PPP2R2C: variants seen among roughly 807,000 people sequenced by gnomAD.
PPP2R2C encodes the protein protein phosphatase 2, regulatory subunit B, gamma.
Under a neutral mutation model 45.3 loss-of-function variants are expected in PPP2R2C, and 10 were observed. That is an observed-to-expected ratio of 0.22 (90% confidence interval 0.14 to 0.37). PPP2R2C has a LOEUF of 0.37. PPP2R2C is among the 10% of genes least tolerant of loss of function. The probability of loss-of-function intolerance (pLI) is 1.00; values close to 1 mark genes in which losing one functional copy is unlikely to be tolerated. For synonymous variants in PPP2R2C, 257 were observed against 245.4 expected, an observed-to-expected ratio of 1.05 and a Z score of -0.44; for missense variants, 308 against 619.7, an observed-to-expected ratio of 0.50 and a Z score of 5.34.
chr4:6,489,211 C>T (rs1311087339), intron 2 of PPP2R2C, among the ~76,000 whole-genome samples: 4 of 152,144 alleles, frequency 2.6e-5, no homozygotes, highest in Admixed American at 2.6e-4. Flanking sequence ...TGTTTATTTC[C>T]CATCATTCAA....
intron 5 of PPP2R2C, among the ~76,000 whole-genome samples, chr4:6,358,519 CAAAAA>C (rs74576376): frequency 7.5e-6 from 1 of 132,760 alleles, no homozygotes; most frequent in Non-Finnish European, 1.6e-5. Context: ...TTCTGCACAG[CAAAAA>C]AAAAAAAAAA....
At position 6,421,093 on chromosome 4, in the gene PPP2R2C, T is replaced by G. The variant is rs1217395402; in HGVS notation, c.71-39999A>C. 3 of 985,080 alleles carry G rather than the reference T, an allele frequency of 3.0e-6. No individual in the cohort carries two copies. In the East Asian group the frequency reaches 3.4e-4, roughly 112 times the overall value. The allele number at this position is 985,080 out of a possible 1,614,324, so 61.0% of individuals were successfully genotyped here. On this transcript the variant is annotated intron_variant, in intron 1 of 8. Transcript: ENST00000382599. ...CCACAGAAGTGGAGAGGCCACACCT[T>G]TCTCTCTGTTTCCCCCAAAACACAT...
chr4:6,475,645 G>A (rs982639663), upstream of PPP2R2C, among the ~76,000 whole-genome samples: 8 of 152,132 alleles, frequency 5.3e-5, no homozygotes, highest in East Asian at 1.9e-4. Flanking sequence ...TGGACCATGC[G>A]CCTCCCTTTA....
intron 1 of PPP2R2C, among the ~76,000 whole-genome samples, chr4:6,550,287 C>A (rs1159762227): frequency 6.6e-6 from 1 of 152,106 alleles, no homozygotes; most frequent in East Asian, 1.9e-4. Context: ...ACAATCAGCC[C>A]CCAGCCCAGT....
At chr4:6,539,085 T>C (rs1232203653) in intron 1 of PPP2R2C, among the ~76,000 whole-genome samples, 1 of 151,960 alleles carries the variant, frequency 6.6e-6, no homozygotes, top group Non-Finnish European at 1.5e-5. Flanking sequence ...ATGAAATGCA[T>C]TGAGATGGCG....
intron 1 of PPP2R2C, among the ~76,000 whole-genome samples, chr4:6,556,976 A>G (rs1725423199): frequency 6.6e-6 from 1 of 152,124 alleles, no homozygotes; most frequent in African/African-American, 2.4e-5. Context: ...CCCGGCAGAG[A>G]TCCAGGTGGT....
intron 1 of PPP2R2C, among the ~76,000 whole-genome samples, chr4:6,448,500 C>T (rs982867814): frequency 2.0e-5 from 3 of 152,138 alleles, no homozygotes; most frequent in Admixed American, 6.5e-5. Context: ...GGCAGACCCT[C>T]GAGGTCAGCC....
intron 1 of PPP2R2C, among the ~76,000 whole-genome samples, chr4:6,416,324 G>T (rs1718581814): frequency 6.6e-6 from 1 of 152,186 alleles, no homozygotes; most frequent in South Asian, 2.1e-4. Context: ...GTCACATAAA[G>T]TCACACTGCT....
At chr4:6,501,317 A>G (rs539232210) in intron 2 of PPP2R2C, among the ~76,000 whole-genome samples, 1 of 152,214 alleles carries the variant, frequency 6.6e-6, no homozygotes, top group South Asian at 2.1e-4. Flanking sequence ...CACAGGGTGC[A>G]CCCTGTGAAC....
At chr4:6,460,378 T>G (rs1721262748) in intron 1 of PPP2R2C, among the ~76,000 whole-genome samples, 1 of 152,142 alleles carries the variant, frequency 6.6e-6, no homozygotes, top group South Asian at 2.1e-4. Flanking sequence ...GAGAGGGGCC[T>G]CAGAAGGAAT....
At chr4:6,497,091 C>T (rs747096199) in intron 2 of PPP2R2C, among the ~76,000 whole-genome samples, 1 of 152,006 alleles carries the variant, frequency 6.6e-6, no homozygotes, top group African/African-American at 2.4e-5. Context: ...TGAGTCCACA[C>T]CTGAGCAGCA....
intron 2 of PPP2R2C, among the ~76,000 whole-genome samples, chr4:6,514,115 CT>C (rs1316346587): frequency 2.6e-5 from 4 of 151,392 alleles, no homozygotes; most frequent in East Asian, 1.9e-4. Context: ...CGTCCTTTGA[CT>C]TTTTTTTTCA....
intron 1 of PPP2R2C, among the ~76,000 whole-genome samples, chr4:6,468,139 G>T (rs906115462): frequency 5.9e-5 from 9 of 152,180 alleles, no homozygotes; most frequent in Non-Finnish European, 1.2e-4. Flanking sequence ...CACCATAAGG[G>T]TGCAGATTTC....
At chr4:6,447,463 A>G (rs1720485682) in intron 1 of PPP2R2C, among the ~76,000 whole-genome samples, 2 of 152,228 alleles carry the variant, frequency 1.3e-5, no homozygotes, top group African/African-American at 2.4e-5. Flanking sequence ...ACTGACACCC[A>G]GAATGTTGTG....
chr4:6,527,388 G>C (rs1489788705), intron 2 of PPP2R2C, among the ~76,000 whole-genome samples: 1 of 152,130 alleles, frequency 6.6e-6, no homozygotes, highest in Non-Finnish European at 1.5e-5. Flanking sequence ...CCTGAGCAGT[G>C]CCAGGCGGAA....
chr4:6,372,626 G>A lies in PPP2R2C; in HGVS notation c.522C>T (p.Tyr174=). ...TGTTGACGGAGATGGAGTTGATGTG[G>A]TAGGTGTGGCCATTGGCAAAGATCC... The part of the protein sequence containing the change: ...PRRIFANGHT[Y]HINSISVNSD... Residue 174 remains tyrosine, a synonymous_variant, in exon 5 of 9, where the codon TAC becomes TAT. Coordinates refer to ENST00000382599, the MANE Select transcript of PPP2R2C (RefSeq NM_020416.4). 6.2e-7 allele frequency: 1 copy of A among 1,614,240 alleles called. No individual in the cohort carries two copies. The highest frequency in any genetic ancestry group is 8.5e-7 in the Non-Finnish European group (1 of 1,180,036).
intron 1 of PPP2R2C, among the ~76,000 whole-genome samples, chr4:6,415,960 C>G (rs969536494): frequency 6.6e-6 from 1 of 152,234 alleles, no homozygotes; most frequent in Non-Finnish European, 1.5e-5. Context: ...TGGACCCAAA[C>G]AGAGCACCCC....
At chr4:6,553,530 C>G (rs963948145) in intron 1 of PPP2R2C, among the ~76,000 whole-genome samples, 1 of 152,204 alleles carries the variant, frequency 6.6e-6, no homozygotes, top group Admixed American at 6.5e-5. Context: ...CAGCACCACA[C>G]TGTCCACCAC....
At chr4:6,516,122 T>C (rs1322857169) in intron 2 of PPP2R2C, among the ~76,000 whole-genome samples, 1 of 152,222 alleles carries the variant, frequency 6.6e-6, no homozygotes, top group Admixed American at 6.5e-5. Context: ...GAATTAGGAC[T>C]TCAACAAGTA....
Sources: allele counts gnomAD v4.1 joint callset (sites outside exome capture counted in the v4.1 genomes callset), GRCh38; gene constraint gnomAD v4.1.1; transcripts MANE v1.5; gene names NCBI Gene and HGNC (gene_info 2026-07-23, HGNC 2026-07-21).